The following LRCH2 variants were observed in gnomAD, a reference collection of about 807,000 sequenced individuals.
The protein encoded by LRCH2 is leucine-rich repeat and calponin homology domain-containing protein 2.
A neutral mutation model predicts 68.9 loss-of-function variants in LRCH2; 38 were observed. That is an observed-to-expected ratio of 0.55 (90% confidence interval 0.43 to 0.72). The LOEUF (loss-of-function observed/expected upper bound fraction) is 0.72. Among genes scored for constraint, LRCH2 ranks in the 30% least tolerant of loss-of-function variants. The pLI is 0.00. For missense variants in LRCH2, 528 were observed against 572.9 expected, an observed-to-expected ratio of 0.92 and a Z score of 0.80; for synonymous variants, 191 against 208.1, an observed-to-expected ratio of 0.92 and a Z score of 0.71.
chrX:115,131,073 T>C (rs2072240053), intron 14 of LRCH2, among the ~76,000 whole-genome samples: 1 of 111,297 alleles, frequency 9.0e-6, no homozygotes, highest in Admixed American at 9.6e-5. Context: ...TTTTTTAAAT[T>C]ATTATTATTT....
At chrX:115,118,066 A>AC (rs1394382649) in intron 20 of LRCH2, among the ~76,000 whole-genome samples, 3 of 110,699 alleles carry the variant, frequency 2.7e-5, no homozygotes, top group Non-Finnish European at 5.7e-5. Flanking sequence ...TTAAAACAAA[A>AC]ATGACATAAT....
At chrX:115,133,998 G>T (rs782022337) in intron 14 of LRCH2, among the ~76,000 whole-genome samples, 1 of 112,425 alleles carries the variant, frequency 8.9e-6, no homozygotes, top group South Asian at 3.6e-4. Flanking sequence ...TGCAAAATAA[G>T]TGTTGAAGAA....
chrX:115,206,569 A>G (rs1384895654), intron 1 of LRCH2, among the ~76,000 whole-genome samples: 1 of 112,276 alleles, frequency 8.9e-6, no homozygotes, highest in African/African-American at 3.2e-5. Flanking sequence ...ATTTCAGCCC[A>G]TCCCTTTGTT....
intron 11 of LRCH2, among the ~76,000 whole-genome samples, chrX:115,163,397 A>G (rs1196804312): frequency 3.6e-5 from 4 of 111,708 alleles, no homozygotes; most frequent in African/African-American, 1.3e-4. Context: ...GACTATATAT[A>G]TGAGTACATT....
intron 1 of LRCH2, among the ~76,000 whole-genome samples, chrX:115,203,746 A>AC (rs1435522830): frequency 1.8e-5 from 2 of 112,350 alleles, no homozygotes; most frequent in Non-Finnish European, 3.8e-5. Context: ...GCGTAGCTCT[A>AC]CCCTTGTGGC....
rs1018905546 is a variant in LRCH2, at chrX:115,189,938, C to T, written c.350-1568G>A. On this transcript the variant is annotated intron_variant, in intron 1 of 20. Transcript: ENST00000317135. ...GCCAGCCCACCCCACAAGAGGGCCACGCCGTCGAGCCTGGCTCACAGCGTT... is the reference window on the plus strand; with the variant it reads ...GCCAGCCCACCCCACAAGAGGGCCATGCCGTCGAGCCTGGCTCACAGCGTT... 13 of 1,157,437 alleles carry T rather than the reference C, an allele frequency of 1.1e-5. No homozygotes were observed. Among genetic ancestry groups the T allele is most frequent in the Admixed American group, 7.8e-5 (3 of 38,289 alleles).
intron 1 of LRCH2, chrX:115,192,397 T>A: frequency 8.6e-7 from 1 of 1,163,701 alleles, no homozygotes; most frequent in Non-Finnish European, 1.1e-6. Flanking sequence ...CTACGAGGAG[T>A]ACCAGGGCAG....
At chrX:115,133,573 AC>A in intron 14 of LRCH2, among the ~76,000 whole-genome samples, 2 of 112,064 alleles carry the variant, frequency 1.8e-5, no homozygotes, top group African/African-American at 6.5e-5. Flanking sequence ...GCACGTACTC[AC>A]TTCATGTCCG....
In LRCH2 at chrX:115,122,784, A is replaced by G. The variant is rs1234435615; in HGVS notation, c.2076T>C (p.Ser692=). 8.3e-7 allele frequency: 1 copy of G among 1,209,461 alleles called. No individual in the cohort carries two copies. The highest frequency in any genetic ancestry group is 3.0e-5 in the East Asian group (1 of 33,746). ...CCACTGCTGGTGATGGTACATGAAT[A>G]CTAGCAACAGAACGTGGCCTTATAT... ...ANHIRPRSVA[S]IHVPSPAVPK... Residue 692 remains serine (S), a synonymous_variant, in exon 19 of 21, where the codon AGT becomes AGC. Transcript: ENST00000317135.
At chrX:115,121,302 G>A (rs1277552748) in intron 20 of LRCH2, among the ~76,000 whole-genome samples, 3 of 111,011 alleles carry the variant, frequency 2.7e-5, no homozygotes, top group African/African-American at 9.8e-5. Flanking sequence ...TTTCCCCACT[G>A]AAAGATTGAG....
chrX:115,143,904 G>A (rs138418205), intron 14 of LRCH2, among the ~76,000 whole-genome samples: 14 of 111,569 alleles, frequency 1.3e-4, no homozygotes, highest in South Asian at 3.8e-4. Context: ...AATTGATGCC[G>A]GACAAGCATT....
intron 5 of LRCH2, among the ~76,000 whole-genome samples, chrX:115,172,093 A>C (rs2072608899): frequency 9.0e-6 from 1 of 111,188 alleles, no homozygotes; most frequent in African/African-American, 3.3e-5. Context: ...ATTTGTTTTA[A>C]ATTTTCCAAT....
Position 115,111,791 on chromosome X carries a change from A to G in LRCH2, c.*1425T>C, listed in dbSNP as rs990564065. ...TTGTTCCTATACCATTTGGCACACT[A>G]GTTTTTTACCTTTTATATATACCCT... On this transcript the variant is annotated 3_prime_UTR_variant, in exon 21 of 21. Transcript: ENST00000317135. 1 of 89,994 alleles carries G rather than the reference A, an allele frequency of 1.1e-5. No homozygotes were observed. The highest frequency in any genetic ancestry group is 5.2e-5 in the African/African-American group (1 of 19,343). 7.4% of individuals were successfully genotyped at this position (89,994 alleles called of 1,213,427 possible).
At chrX:115,224,545 A>C (rs782213185) in intron 1 of LRCH2, among the ~76,000 whole-genome samples, 3 of 109,576 alleles carry the variant, frequency 2.7e-5, no homozygotes, top group African/African-American at 1.0e-4. Flanking sequence ...TTAGCTGTGC[A>C]TGGTAGCACA....
chrX:115,190,594 G>A (rs782076405), intron 1 of LRCH2: 2 of 1,160,742 alleles, frequency 1.7e-6, no homozygotes, highest in Non-Finnish European at 2.3e-6. Context: ...CCGCTACGGA[G>A]AAGAAGGCTG....
chrX:115,138,371 C>T (rs1480408483), intron 14 of LRCH2, among the ~76,000 whole-genome samples: 1 of 111,766 alleles, frequency 8.9e-6, no homozygotes, highest in Non-Finnish European at 1.9e-5. Context: ...CACAACTATT[C>T]ATTTCTTTCA....
Position 115,149,889 on chromosome X carries a change from G to A in LRCH2, c.1633C>T (p.Pro545Ser), listed in dbSNP as rs2072418721. Reference sequence around the variant, plus strand: ...CTTTCTTCACTCTGCCAGATTATAGGGTGAGATTCTGGCCACGGTTGTTCA... The same window carrying A: ...CTTTCTTCACTCTGCCAGATTATAGAGTGAGATTCTGGCCACGGTTGTTCA... ...IDEQPWPESH[P>S]IIWQSEERRR... The change falls in exon 14 of 21, where the codon CCT becomes TCT. Residue 545 changes from proline (P) to serine (S), a missense_variant. By Grantham distance (74) the Pro-to-Ser change is moderately conservative. Coordinates refer to ENST00000317135, the MANE Select transcript of LRCH2 (RefSeq NM_020871.4). 8.3e-7 allele frequency: 1 copy of A among 1,203,823 alleles called. No individual in the cohort carries two copies. The highest frequency in any genetic ancestry group is 1.8e-5 in the South Asian group (1 of 55,962).
chrX:115,158,289 A>G (rs782107572), intron 11 of LRCH2, among the ~76,000 whole-genome samples: 3 of 111,789 alleles, frequency 2.7e-5, no homozygotes, highest in Admixed American at 1.9e-4. Flanking sequence ...CATATTTCAC[A>G]TAAATCAACC....
chrX:115,153,379 A>T (rs1216690990), intron 12 of LRCH2, among the ~76,000 whole-genome samples: 3 of 110,984 alleles, frequency 2.7e-5, no homozygotes, highest in Non-Finnish European at 5.7e-5. Context: ...AAAAGCATTC[A>T]ATCAGCAGAC....
Sources: allele counts gnomAD v4.1 joint callset (sites outside exome capture counted in the v4.1 genomes callset), GRCh38; gene constraint gnomAD v4.1.1; transcripts MANE v1.5; gene names NCBI Gene and HGNC (gene_info 2026-07-23, HGNC 2026-07-21).